Variants in PLD1 observed in about 807,000 individuals in gnomAD.
PLD1 encodes the protein choline phosphatase 1.
PLD1 carries 112 observed loss-of-function variants against 137.1 expected under a neutral mutation model. The ratio of observed to expected loss-of-function variants is 0.82; its 90% confidence interval spans 0.70 to 0.96. The LOEUF (loss-of-function observed/expected upper bound fraction) is 0.96. Ranked by LOEUF, PLD1 falls within the 40% of genes least tolerant of loss-of-function variation. The probability of loss-of-function intolerance (pLI) is 0.00; values close to 1 mark genes in which losing one functional copy is unlikely to be tolerated. For synonymous variants in PLD1, 431 were observed against 454.7 expected (o/e 0.95, Z 0.66); for missense variants, 1,321 against 1,342.0 (o/e 0.98, Z 0.24).
In PLD1 at chr3:171,602,912, A is replaced by G; in HGVS notation, c.*166T>C. 1 of 605,862 alleles carries G rather than the reference A, an allele frequency of 1.7e-6. No homozygotes were observed. The highest frequency in any genetic ancestry group is 2.9e-6 in the Non-Finnish European group (1 of 341,290). 37.5% of individuals were successfully genotyped at this position (605,862 alleles called of 1,614,324 possible). A position where few individuals can be genotyped will look rare whatever the true frequency, so the allele number is the denominator to read the frequency against. ...ATTATAAAGTCTTGCTGATGTTTAC[A>G]GTCCTTACATCAATGTGACTGCAGC... On this transcript the variant is annotated 3_prime_UTR_variant, in exon 27 of 27. Coordinates refer to ENST00000351298, the MANE Select transcript of PLD1 (RefSeq NM_002662.5).
At position 171,676,732 on chromosome 3, in the gene PLD1, G is replaced by A. The variant is rs201247680; in HGVS notation, c.2098C>T (p.Arg700Cys). 6.3e-5 allele frequency: 102 copies of A among 1,613,402 alleles called. No individual in the cohort carries two copies. The highest frequency in any genetic ancestry group is 7.9e-5 in the Non-Finnish European group (93 of 1,179,368). Residue 700 changes from arginine to cysteine, a missense_variant, in exon 18 of 27, where the codon CGC becomes TGC. Arg to Cys is a radical substitution (Grantham distance 180). Coordinates refer to ENST00000351298, the MANE Select transcript of PLD1 (RefSeq NM_002662.5). The part of the protein sequence containing the change: ...ARDVARHFIQ[R>C]WNFTKIMKSK... ...CCAAGTACTTTTGTGAAGTTCCAGC[G>A]CTGGATGAAGTGACGTGCCACATCA...
At chr3:171,618,488 A>C (rs1578113853) in intron 24 of PLD1, among the ~76,000 whole-genome samples, 1 of 152,216 alleles carries the variant, frequency 6.6e-6, no homozygotes, top group African/African-American at 2.4e-5. Context: ...TTTCCATTTC[A>C]GCAAACATCA....
intron 23 of PLD1, among the ~76,000 whole-genome samples, chr3:171,630,204 G>A (rs1734539346): frequency 6.7e-6 from 1 of 150,144 alleles, no homozygotes; most frequent in Non-Finnish European, 1.5e-5. Context: ...GTGGGCAAAG[G>A]ACATGAACAG....
At chr3:171,781,933 A>G (rs1037929547) in intron 1 of PLD1, among the ~76,000 whole-genome samples, 2 of 152,208 alleles carry the variant, frequency 1.3e-5, no homozygotes, top group Admixed American at 1.3e-4. Context: ...GACTCCATTC[A>G]CCATAGTCAA....
intron 21 of PLD1, chr3:171,653,842 A>G (rs1400519186): frequency 1.1e-5 from 2 of 177,288 alleles, no homozygotes; most frequent in Non-Finnish European, 2.4e-5. Flanking sequence ...AACAGATAAT[A>G]TTATTCGTGG....
At chr3:171,693,974 A>T (rs950386344) in intron 12 of PLD1, among the ~76,000 whole-genome samples, 9 of 152,314 alleles carry the variant, frequency 5.9e-5, no homozygotes, top group African/African-American at 2.2e-4. Context: ...TAGATTCTAG[A>T]TCACATCACA....
intron 1 of PLD1, among the ~76,000 whole-genome samples, chr3:171,801,460 G>A (rs1261665057): frequency 6.6e-6 from 1 of 152,146 alleles, no homozygotes; most frequent in Non-Finnish European, 1.5e-5. Context: ...ACGGAGTCTC[G>A]CTCTGTCACC....
chr3:171,687,233 A>T, intron 15 of PLD1, 138 bp downstream of exon 15: 1 of 679,038 alleles, frequency 1.5e-6, no homozygotes, highest in South Asian at 1.9e-5. Flanking sequence ...GAGGTTGAAT[A>T]GAATGATATA....
At chr3:171,707,771 T>C (rs1349061580) in intron 11 of PLD1, among the ~76,000 whole-genome samples, 6 of 152,234 alleles carry the variant, frequency 3.9e-5, no homozygotes, top group Admixed American at 3.3e-4. Flanking sequence ...CTACAATGCA[T>C]AGGACAGCCC....
chr3:171,754,342 A>G (rs985807821), intron 1 of PLD1, among the ~76,000 whole-genome samples: 1 of 152,226 alleles, frequency 6.6e-6, no homozygotes, highest in African/African-American at 2.4e-5. Flanking sequence ...CATTCTGTAC[A>G]CATATCTCTT....
rs1448547106 is a variant in PLD1 at position 171,629,309 on chromosome 3, C to T, written c.2594-8789G>A. Among the ~76,000 whole-genome samples, 920 of 151,452 alleles carry T rather than the reference C, an allele frequency of 6.1e-3. 5 individuals carry two copies. Among genetic ancestry groups the T allele is most frequent in the African/African-American group, 0.021 (880 of 41,396 alleles). On this transcript the variant is annotated intron_variant, in intron 23 of 26. Coordinates refer to ENST00000351298, the MANE Select transcript of PLD1 (RefSeq NM_002662.5). ...ACCTAGGAATCCAACTTACAAGGGA[C>T]GTGAAGGACCTCTTCAAGGAGAACT...
At chr3:171,764,775 A>G (rs528726885) in intron 1 of PLD1, among the ~76,000 whole-genome samples, 16 of 150,504 alleles carry the variant, frequency 1.1e-4, no homozygotes, top group Non-Finnish European at 1.9e-4. Context: ...ATATTGCATG[A>G]TTCCATTCAT....
At chr3:171,703,860 G>A (rs945938804) in intron 11 of PLD1, among the ~76,000 whole-genome samples, 2 of 152,142 alleles carry the variant, frequency 1.3e-5, no homozygotes, top group Admixed American at 6.5e-5. Flanking sequence ...GTAGTGACAG[G>A]GTTGCAGTGG....
intron 23 of PLD1, among the ~76,000 whole-genome samples, chr3:171,636,910 T>C (rs1376604530): frequency 6.6e-6 from 1 of 152,222 alleles, no homozygotes; most frequent in Non-Finnish European, 1.5e-5. Flanking sequence ...ACACATACCA[T>C]TTACATGGCT....
Position 171,602,132 on chromosome 3 carries a change from G to T in PLD1, c.*946C>A, listed in dbSNP as rs1321024435. 6.6e-6 allele frequency: 1 copy of T among 152,222 alleles called. No individual in the cohort carries two copies. The highest frequency in any genetic ancestry group is 1.5e-5 in the Non-Finnish European group (1 of 68,042). 9.4% of individuals were successfully genotyped at this position (152,222 alleles called of 1,614,324 possible). ...GTATTCACTAGTTTGATTTTGAAATGTAGAGATCAAATTTCAATCAACCCA... is the reference window on the plus strand; with the variant it reads ...GTATTCACTAGTTTGATTTTGAAATTTAGAGATCAAATTTCAATCAACCCA... On this transcript the variant is annotated 3_prime_UTR_variant, in exon 27 of 27. Transcript: ENST00000351298.
intron 25 of PLD1, among the ~76,000 whole-genome samples, chr3:171,608,909 A>G (rs78238902): frequency 0.012 from 1,856 of 152,290 alleles, 32 homozygotes; most frequent in African/African-American, 0.039. Flanking sequence ...GATTTGATTA[A>G]TAAGAATTGA....
intron 1 of PLD1, among the ~76,000 whole-genome samples, chr3:171,796,233 G>A (rs1258033547): frequency 6.6e-6 from 1 of 152,200 alleles, no homozygotes; most frequent in African/African-American, 2.4e-5. Flanking sequence ...ACAGAGTTGT[G>A]TATAAATATC....
rs368893795 is a variant in PLD1 at position 171,692,461 on chromosome 3, G to A, written c.1228-19C>T. The A allele has an allele frequency of 2.2e-5, 25 of 1,139,820 alleles. No individual in the cohort carries two copies. The highest frequency in any genetic ancestry group is 1.2e-4 in the East Asian group (5 of 42,794). The allele number at this position is 1,139,820 out of a possible 1,614,324, so 70.6% of individuals were successfully genotyped here. A position where few individuals can be genotyped will look rare whatever the true frequency, so the allele number is the denominator to read the frequency against. On this transcript the variant is annotated intron_variant, in intron 12 of 26. Coordinates refer to ENST00000351298, the MANE Select transcript of PLD1 (RefSeq NM_002662.5). ...CTTGTTGCTGTCACAGGAGAAAACC[G>A]ATGGAGGAATGAGTATCTCTGGAGG...
chr3:171,746,537 G>A (rs1720197266), intron 1 of PLD1, among the ~76,000 whole-genome samples: 1 of 152,224 alleles, frequency 6.6e-6, no homozygotes, highest in African/African-American at 2.4e-5. Flanking sequence ...TCTGTGTCTA[G>A]CTCAAGGTCT....
Sources: allele counts gnomAD v4.1 joint callset (sites outside exome capture counted in the v4.1 genomes callset), GRCh38; gene constraint gnomAD v4.1.1; transcripts MANE v1.5; gene names NCBI Gene and HGNC (gene_info 2026-07-23, HGNC 2026-07-21).